Variants in CDH4 observed in about 807,000 individuals in gnomAD.
CDH4 encodes cadherin-4.
CDH4 carries 33 observed loss-of-function variants against 86.0 expected under a neutral mutation model. The ratio of observed to expected loss-of-function variants is 0.38; its 90% CI spans 0.29 to 0.51. CDH4 has a LOEUF of 0.51. CDH4 is among the 20% of genes least tolerant of loss of function. The pLI is 0.86. For synonymous variants in CDH4, 555 were observed against 549.4 expected (o/e 1.01, Z -0.14); for missense variants, 1,114 against 1,307.4 (o/e 0.85, Z 2.28).
At chr20:61,653,202 A>G (rs1400312690) in intron 2 of CDH4, among the ~76,000 whole-genome samples, 2 of 130,462 alleles carry the variant, frequency 1.5e-5, no homozygotes, top group East Asian at 4.0e-4. Flanking sequence ...CCCTTAATCC[A>G]TTTAACCCTG....
intron 2 of CDH4, among the ~76,000 whole-genome samples, chr20:61,406,226 C>G (rs1407411534): frequency 6.6e-6 from 1 of 151,698 alleles, no homozygotes; most frequent in African/African-American, 2.4e-5. Flanking sequence ...ATCTGCTCTA[C>G]CCGGACCACC....
At chr20:61,418,262 C>T (rs62199124) in intron 2 of CDH4, among the ~76,000 whole-genome samples, 195 of 148,118 alleles carry the variant, frequency 1.3e-3, no homozygotes, top group South Asian at 2.1e-3. Flanking sequence ...CCAGGCTGGA[C>T]TGCAGTGGCA....
intron 4 of CDH4, among the ~76,000 whole-genome samples, chr20:61,825,051 G>T (rs1052762349): frequency 5.3e-5 from 8 of 152,192 alleles, no homozygotes; most frequent in Admixed American, 5.2e-4. Flanking sequence ...TACATAGTTT[G>T]TAAGTTGGTG....
chr20:61,313,550 G>A (rs765547031), intron 2 of CDH4, among the ~76,000 whole-genome samples: 2 of 152,208 alleles, frequency 1.3e-5, no homozygotes, highest in Non-Finnish European at 2.9e-5. Flanking sequence ...TGAGAGCAGC[G>A]TGGATTTCAC....
chr20:61,477,216 C>T (rs142270887), intron 2 of CDH4, among the ~76,000 whole-genome samples: 93 of 152,326 alleles, frequency 6.1e-4, no homozygotes, highest in African/African-American at 2.1e-3. Flanking sequence ...CAGCTCCTTG[C>T]ACCATGGTCC....
At chr20:61,443,629 G>C (rs1035210807) in intron 2 of CDH4, among the ~76,000 whole-genome samples, 1 of 152,182 alleles carries the variant, frequency 6.6e-6, no homozygotes, top group Admixed American at 6.5e-5. Context: ...AAGGAAAGCT[G>C]GAAGCTGCTG....
chr20:61,750,994 T>C (rs1038985202), intron 3 of CDH4, among the ~76,000 whole-genome samples: 5 of 152,206 alleles, frequency 3.3e-5, no homozygotes, highest in Non-Finnish European at 7.3e-5. Context: ...GCTGAGCTCA[T>C]AACTTGGAAG....
chr20:61,348,672 A>C (rs566479681), intron 2 of CDH4, among the ~76,000 whole-genome samples: 19 of 152,238 alleles, frequency 1.2e-4, no homozygotes, highest in South Asian at 4.1e-4. Context: ...GAATCTCTCC[A>C]AATGGCTGGG....
At chr20:61,869,762 G>T (rs190287167) in intron 6 of CDH4, among the ~76,000 whole-genome samples, 1 of 152,172 alleles carries the variant, frequency 6.6e-6, no homozygotes, top group Non-Finnish European at 1.5e-5. Context: ...GGCCCCTTCC[G>T]CCGAGGGACT....
At chr20:61,293,413 C>T (rs1424818297) in intron 2 of CDH4, among the ~76,000 whole-genome samples, 5 of 152,090 alleles carry the variant, frequency 3.3e-5, no homozygotes, top group South Asian at 2.1e-4. Flanking sequence ...ACTACAGCTC[C>T]GACCCCTGGC....
chr20:61,672,069 G>A lies in CDH4; in HGVS notation c.170-71494G>A, dbSNP rs1428916831. ...GATAGATAAATAGATGGATGGATGA[G>A]TGGATTGGTGGGTGGGTGGGTGGGT... is the stretch of plus-strand genomic sequence containing the variant. On this transcript the variant is annotated intron_variant, in intron 2 of 15. Transcript: ENST00000614565. Among the ~76,000 whole-genome samples the A allele has an allele frequency of 4.9e-5, 7 of 144,262 alleles. No individual in the cohort carries two copies. The Admixed American group carries it at 4.9e-4, about 10-fold the overall frequency. 94.6% of individuals were successfully genotyped at this position (144,262 alleles called of 152,430 possible). A position where few individuals can be genotyped will look rare whatever the true frequency, so the allele number is the denominator to read the frequency against.
intron 2 of CDH4, among the ~76,000 whole-genome samples, chr20:61,568,579 C>T (rs1315614533): frequency 1.3e-5 from 2 of 152,232 alleles, no homozygotes; most frequent in African/African-American, 4.8e-5. Flanking sequence ...CTGGAGGATA[C>T]TACAACAAAT....
chr20:61,920,381 G>A (rs1164282674), intron 9 of CDH4, among the ~76,000 whole-genome samples: 8 of 110,338 alleles, frequency 7.3e-5, no homozygotes, highest in East Asian at 6.1e-4. Flanking sequence ...GATTGGAAGC[G>A]TGGTGTCGCG....
At position 61,393,046 on chromosome 20, in the gene CDH4, C is replaced by T. The variant is rs563557285; in HGVS notation, c.169+138109C>T. Among the ~76,000 whole-genome samples, 6 of 152,134 alleles carry T rather than the reference C, an allele frequency of 3.9e-5. No individual in the cohort carries two copies. Among genetic ancestry groups the T allele is most frequent in the Non-Finnish European group, 7.4e-5 (5 of 68,024 alleles). On this transcript the variant is annotated intron_variant, in intron 2 of 15. Transcript: ENST00000614565. The surrounding 1 kb of genome is among the most constrained non-coding windows in gnomAD (Gnocchi z 4.3). ...AGGACAGAGCAGCTGCGGGGCCCCT[C>T]GGTGATCAGGGCCGTTTATTTTCCT... is the stretch of plus-strand genomic sequence containing the variant.
chr20:61,354,913 G>A (rs773818440), intron 2 of CDH4, among the ~76,000 whole-genome samples: 17 of 152,170 alleles, frequency 1.1e-4, no homozygotes, highest in Non-Finnish European at 1.6e-4. Context: ...AGCTTACTCC[G>A]CACCTAAGAG....
chr20:61,635,056 T>A (rs2086932746), intron 2 of CDH4, among the ~76,000 whole-genome samples: 1 of 152,230 alleles, frequency 6.6e-6, no homozygotes, highest in Non-Finnish European at 1.5e-5. Context: ...GACACTGGGT[T>A]GGTTGCAGCC....
intron 13 of CDH4, 80 bp from the exon 14 acceptor site, chr20:61,932,905 A>C: frequency 6.5e-7 from 1 of 1,548,988 alleles, no homozygotes; most frequent in Non-Finnish European, 8.8e-7. Flanking sequence ...GTACATGCCC[A>C]CATAGACACA....
At position 61,517,401 on chromosome 20, in the gene CDH4, C is replaced by A. The variant is rs1296998742; in HGVS notation, c.170-226162C>A. 2.0e-5 allele frequency among the ~76,000 whole-genome samples: 3 copies of A among 152,166 alleles called. No individual in the cohort carries two copies. Among genetic ancestry groups the A allele is most frequent in the African/African-American group, 4.8e-5 (2 of 41,424 alleles). On this transcript the variant is annotated intron_variant, in intron 2 of 15. Coordinates refer to ENST00000614565, the MANE Select transcript of CDH4 (RefSeq NM_001794.5). The surrounding 1 kb of genome is among the most constrained non-coding windows in gnomAD (Gnocchi z 6.6). ...GTAGAGACAAGGTCTCGCCGTGTTT[C>A]CCAGGCTGGTCTCAAGTGCCTGGCC...
At chr20:61,866,974 C>G (rs974798403) in intron 6 of CDH4, among the ~76,000 whole-genome samples, 1 of 152,238 alleles carries the variant, frequency 6.6e-6, no homozygotes, top group African/African-American at 2.4e-5. Flanking sequence ...TGCCGTCGCC[C>G]TTTCCCGGGA....
Sources: gnomAD v4.1 joint callset for allele counts (sites outside exome capture counted in the v4.1 genomes callset) on GRCh38, gnomAD v4.1.1 for gene constraint, Gnocchi (gnomAD v3.1) non-coding constraint, MANE v1.5 for transcripts, NCBI Gene and HGNC (gene_info 2026-07-23, HGNC 2026-07-21) for gene names.